The following COL4A4 variants were observed in gnomAD, a reference collection of about 807,000 sequenced individuals.
The protein encoded by COL4A4 is collagen alpha-4(IV) chain.
In COL4A4, 105 loss-of-function variants were observed where a neutral mutation model predicts 192.9. That is an observed-to-expected ratio of 0.54 (90% confidence interval 0.46 to 0.64). The LOEUF (loss-of-function observed/expected upper bound fraction) is 0.64, where lower values mean the gene tolerates loss of function less well. Ranked by LOEUF, COL4A4 falls within the 30% of genes least tolerant of loss-of-function variation. The pLI is 0.00. For missense variants in COL4A4, 1,967 were observed against 2,169.3 expected (o/e 0.91, Z 1.85); for synonymous variants, 762 against 769.9 (o/e 0.99, Z 0.17).
chr2:227,077,265 C>T (rs57858280), intron 25 of COL4A4, among the ~76,000 whole-genome samples: 22,897 of 151,836 alleles, frequency 0.15, 2,096 homozygotes, highest in African/African-American at 0.25. Flanking sequence ...ATAGACTGGA[C>T]AAAGAAAATG....
the COL4A4 span, among the ~76,000 whole-genome samples, chr2:226,984,912 C>T: frequency 2.9e-5 from 4 of 139,580 alleles, no homozygotes; most frequent in African/African-American, 1.1e-4. Context: ...CCTTCTGATG[C>T]TCTCCTGGGG....
At chr2:226,973,505 G>C in the COL4A4 span, among the ~76,000 whole-genome samples, 1 of 152,166 alleles carries the variant, frequency 6.6e-6, no homozygotes, top group African/African-American at 2.4e-5. Flanking sequence ...GGTGTTTACT[G>C]ATCAAGAGCA....
the COL4A4 span, among the ~76,000 whole-genome samples, chr2:226,969,989 T>TCCC: frequency 8.9e-5 from 10 of 112,002 alleles, no homozygotes; most frequent in African/African-American, 3.1e-4. Context: ...TTTACAACTG[T>TCCC]CCCCCCCCCC....
intron 5 of COL4A4, among the ~76,000 whole-genome samples, chr2:227,120,537 G>A (rs2061718060): frequency 6.6e-6 from 1 of 152,142 alleles, no homozygotes; most frequent in Non-Finnish European, 1.5e-5. Flanking sequence ...AGGTCCAGAA[G>A]AGCATGCTCC....
intron 17 of COL4A4, 76 bp downstream of exon 17, chr2:227,101,428 A>ACTT: frequency 8.5e-7 from 1 of 1,178,468 alleles, no homozygotes; most frequent in Non-Finnish European, 1.2e-6. Context: ...TCCTGGCAAT[A>ACTT]CTTCTAAAAA....
chr2:226,968,540 T>C, the COL4A4 span, among the ~76,000 whole-genome samples: 115 of 152,348 alleles, frequency 7.5e-4, 1 homozygote, highest in East Asian at 0.011. Context: ...ATCTACCAGA[T>C]GCCTTCACAG....
In COL4A4 at chr2:227,051,138, T is replaced by G; in HGVS notation, c.2989A>C (p.Met997Leu). 6.2e-7 allele frequency: 1 copy of G among 1,614,124 alleles called. No homozygotes were observed. The highest frequency in any genetic ancestry group is 1.3e-5 in the African/African-American group (1 of 75,038). ...CCCGGCTCTCCTCTTCTCCCTTGCATCCCGGGAGTTCCTTTATCACCTGAT... is the reference window on the plus strand; with the variant it reads ...CCCGGCTCTCCTCTTCTCCCTTGCAGCCCGGGAGTTCCTTTATCACCTGAT... The part of the protein sequence containing the change: ...GERGDKGTPG[M>L]QGRRGEPGRY... The change falls in exon 33 of 48, where the codon ATG becomes CTG. Residue 997 changes from methionine (M) to leucine (L), a missense_variant. Physicochemically the swap from Met to Leu is conservative, Grantham distance 15. Coordinates refer to ENST00000396625, the MANE Select transcript of COL4A4 (RefSeq NM_000092.5).
At chr2:227,110,774 T>G (rs2061153820) in intron 9 of COL4A4, among the ~76,000 whole-genome samples, 1 of 150,298 alleles carries the variant, frequency 6.7e-6, no homozygotes, top group Admixed American at 6.7e-5. Flanking sequence ...AGCTCTGCCT[T>G]CCGGGTTCGA....
Position 227,094,135 on chromosome 2 carries a change from T to C in COL4A4, c.1359A>G (p.Pro453=). 8 of 1,613,740 alleles carry C rather than the reference T, an allele frequency of 5.0e-6. No individual in the cohort carries two copies. Among genetic ancestry groups the C allele is most frequent in the Non-Finnish European group, 6.8e-6 (8 of 1,179,806 alleles). The change falls in exon 20 of 48, where the codon CCA becomes CCG. Residue 453 remains proline (P), a synonymous_variant. Transcript: ENST00000396625. ...LPGAPGLQGL[P]GSSVIYCSVG... ...TAAGGAGTACTTTACCACTTGATCC[T>C]GGGAGGCCCTGCAGGCCTGGTGCTC...
chr2:227,062,450 C>T lies in COL4A4; in HGVS notation c.2056+80G>A. ...ATGTCCTAACTAGTCTGAGGATTCA[C>T]TCTTGGTTTATCTGTCTGGCTGGTT... On this transcript the variant is annotated intron_variant, in intron 26 of 47. Coordinates refer to ENST00000396625, the MANE Select transcript of COL4A4 (RefSeq NM_000092.5). The T allele has an allele frequency of 5.5e-6, 5 of 903,360 alleles. No homozygotes were observed. The South Asian group carries it at 6.8e-5, about 12-fold the overall frequency. The allele number at this position is 903,360 out of a possible 1,614,324, so 56.0% of individuals were successfully genotyped here.
At chr2:226,993,143 C>T in the COL4A4 span, among the ~76,000 whole-genome samples, 1 of 152,222 alleles carries the variant, frequency 6.6e-6, no homozygotes, top group Non-Finnish European at 1.5e-5. Context: ...TCTTCCTAGT[C>T]TGCCCCTTCT....
Position 227,057,316 on chromosome 2 carries a change from C to T in COL4A4, c.2545+123G>A, listed in dbSNP as rs1249765461. On this transcript the variant is annotated intron_variant, in intron 29 of 47. Coordinates refer to ENST00000396625, the MANE Select transcript of COL4A4 (RefSeq NM_000092.5). ...AAACCAACATGAAACTCATGAGTAA[C>T]GAAGTCCTTTGTCTCTGACTCAGGA... The T allele has an allele frequency of 1.6e-5, 18 of 1,148,482 alleles. No homozygotes were observed. The East Asian group carries it at 3.3e-4, about 21-fold the overall frequency. 71.1% of individuals were successfully genotyped at this position (1,148,482 alleles called of 1,614,324 possible). A position where few individuals can be genotyped will look rare whatever the true frequency, so the allele number is the denominator to read the frequency against.
intron 1 of COL4A4, among the ~76,000 whole-genome samples, chr2:227,158,694 C>T (rs2064555401): frequency 6.6e-6 from 1 of 151,794 alleles, no homozygotes; most frequent in Non-Finnish European, 1.5e-5. Context: ...AAAGAAGCTA[C>T]ATGAATGTTC....
intron 37 of COL4A4, among the ~76,000 whole-genome samples, chr2:227,035,987 T>C (rs753434875): frequency 6.6e-6 from 1 of 152,152 alleles, no homozygotes; most frequent in Non-Finnish European, 1.5e-5. Flanking sequence ...GTTGTAAGGG[T>C]AATTTTTCCT....
In COL4A4 at chr2:227,123,160, C is replaced by T. The variant is rs1559682874; in HGVS notation, c.193-2012G>A. Among the ~76,000 whole-genome samples, 1 of 152,154 alleles carries T rather than the reference C, an allele frequency of 6.6e-6. No individual in the cohort carries two copies. Among genetic ancestry groups the T allele is most frequent in the Non-Finnish European group, 1.5e-5 (1 of 68,034 alleles). On this transcript the variant is annotated intron_variant, in intron 4 of 47. Coordinates refer to ENST00000396625, the MANE Select transcript of COL4A4 (RefSeq NM_000092.5). This position sits in a 1 kb window ranked among gnomAD's most constrained non-coding sequence, Gnocchi z 4.6. ...GAATTACAGGTGTAAGCCACCATGC[C>T]CAGGTGGGATGTCACTTTAGATAGT...
intron 4 of COL4A4, among the ~76,000 whole-genome samples, chr2:227,137,278 A>G (rs1241494625): frequency 6.6e-6 from 1 of 152,220 alleles, no homozygotes; most frequent in Non-Finnish European, 1.5e-5. Flanking sequence ...GGTACGTGCA[A>G]GGAAACCCAG....
At chr2:226,976,113 A>G in the COL4A4 span, among the ~76,000 whole-genome samples, 1 of 151,516 alleles carries the variant, frequency 6.6e-6, no homozygotes, top group Non-Finnish European at 1.5e-5. Context: ...AGTTTTTGGT[A>G]CTAGGGACAC....
the COL4A4 span, chr2:226,995,799 T>A: frequency 2.3e-6 from 1 of 443,888 alleles, no homozygotes; most frequent in South Asian, 3.7e-5. Flanking sequence ...CACTGCTGAC[T>A]CAGCGATGCC....
chr2:226,986,572 A>G, the COL4A4 span, among the ~76,000 whole-genome samples: 9 of 152,252 alleles, frequency 5.9e-5, no homozygotes, highest in African/African-American at 1.9e-4. Flanking sequence ...CAAGAAGCAT[A>G]TGAAAAAAAG....
Sources: allele counts gnomAD v4.1 joint callset (sites outside exome capture counted in the v4.1 genomes callset), GRCh38; gene constraint gnomAD v4.1.1; non-coding constraint Gnocchi (gnomAD v3.1); transcripts MANE v1.5; gene names NCBI Gene and HGNC (gene_info 2026-07-23, HGNC 2026-07-21).